SPOCK3: variants seen among roughly 807,000 people sequenced by gnomAD.
SPOCK3 encodes the protein SPARC (osteonectin), cwcv and kazal like domains proteoglycan 3.
In SPOCK3, 30 loss-of-function variants were observed where a neutral mutation model predicts 56.6. The ratio of observed to expected loss-of-function variants is 0.53; its 90% CI spans 0.40 to 0.72. The LOEUF (loss-of-function observed/expected upper bound fraction) is 0.72, where lower values mean the gene tolerates loss of function less well. SPOCK3 is among the 30% of genes least tolerant of loss of function. The pLI is 0.00. For synonymous variants in SPOCK3, 196 were observed against 183.3 expected, an observed-to-expected ratio of 1.07 and a Z score of -0.56; for missense variants, 527 against 530.0, an observed-to-expected ratio of 0.99 and a Z score of 0.06.
intron 4 of SPOCK3, among the ~76,000 whole-genome samples, chr4:166,981,492 G>A (rs557550036): frequency 1.3e-5 from 2 of 152,286 alleles, no homozygotes; most frequent in Admixed American, 1.3e-4. Context: ...TACGTGGGTA[G>A]CTCCTTCTGT....
At chr4:167,174,436 G>T (rs370030095) in intron 2 of SPOCK3, among the ~76,000 whole-genome samples, 1 of 144,574 alleles carries the variant, frequency 6.9e-6, no homozygotes, top group African/African-American at 2.5e-5. Context: ...CTAAAATTTT[G>T]AAAAAAAAAA....
At chr4:166,928,157 A>G (rs921920579) in intron 4 of SPOCK3, among the ~76,000 whole-genome samples, 23 of 152,220 alleles carry the variant, frequency 1.5e-4, no homozygotes, top group African/African-American at 5.1e-4. Flanking sequence ...CAACTTTGGA[A>G]AACAGTTTGG....
At chr4:167,052,733 A>T (rs538229662) in intron 3 of SPOCK3, among the ~76,000 whole-genome samples, 25 of 152,224 alleles carry the variant, frequency 1.6e-4, no homozygotes, top group Admixed American at 3.9e-4. Context: ...CTATTGTTTC[A>T]GAATACTGTC....
chr4:167,018,108 T>C (rs1750819627), intron 3 of SPOCK3, among the ~76,000 whole-genome samples: 1 of 152,150 alleles, frequency 6.6e-6, no homozygotes, highest in African/African-American at 2.4e-5. Context: ...TATGCTGATA[T>C]ATAGTTATAA....
chr4:167,053,465 A>G (rs1375495778), intron 3 of SPOCK3, among the ~76,000 whole-genome samples: 2 of 152,028 alleles, frequency 1.3e-5, no homozygotes, highest in Non-Finnish European at 2.9e-5. Context: ...GGGGCAGATC[A>G]CTTGAGTTCA....
intron 4 of SPOCK3, among the ~76,000 whole-genome samples, chr4:166,973,476 C>T (rs977071794): frequency 6.6e-6 from 1 of 152,108 alleles, no homozygotes; most frequent in Non-Finnish European, 1.5e-5. Context: ...GGGCTCACCT[C>T]TTAGCTAAAT....
chr4:167,139,296 GTTAT>G (rs1470772245), intron 2 of SPOCK3, among the ~76,000 whole-genome samples: 3 of 151,978 alleles, frequency 2.0e-5, no homozygotes, highest in East Asian at 1.9e-4. Context: ...ATCACTGAAT[GTTAT>G]TTACTCAGCT....
At chr4:166,767,570 C>G (rs12506064) in intron 7 of SPOCK3, among the ~76,000 whole-genome samples, 50,245 of 152,024 alleles carry the variant, frequency 0.33, 8,454 homozygotes, top group Admixed American at 0.42. Flanking sequence ...GTTATAATTT[C>G]TGTTCTTTTA....
chr4:167,128,415 A>G (rs1040667591), intron 2 of SPOCK3, among the ~76,000 whole-genome samples: 7 of 152,116 alleles, frequency 4.6e-5, no homozygotes, highest in African/African-American at 1.4e-4. Context: ...TGGGTACACC[A>G]CCATTTATTA....
At chr4:167,166,762 ATGCATGGGAT>A (rs1729990614) in intron 2 of SPOCK3, among the ~76,000 whole-genome samples, 1 of 152,128 alleles carries the variant, frequency 6.6e-6, no homozygotes, top group Admixed American at 6.6e-5. Context: ...TTAAAAATGT[ATGCATGGGAT>A]TTTGAAAATG....
chr4:166,952,072 A>G (rs1490803175), intron 4 of SPOCK3, among the ~76,000 whole-genome samples: 35 of 152,122 alleles, frequency 2.3e-4, no homozygotes, highest in Admixed American at 2.2e-3. Context: ...AGTGTTGGAG[A>G]TTCTGGCCAG....
At chr4:167,000,249 G>A in intron 4 of SPOCK3, 100 bp downstream of exon 4, 1 of 552,200 alleles carries the variant, frequency 1.8e-6, no homozygotes, top group Non-Finnish European at 3.2e-6. Flanking sequence ...ATAAAACTCT[G>A]CATAAAAGAT....
intron 4 of SPOCK3, among the ~76,000 whole-genome samples, chr4:166,935,331 GTTC>G (rs970334683): frequency 1.3e-5 from 2 of 152,134 alleles, no homozygotes; most frequent in African/African-American, 4.8e-5. Context: ...CAAGCTCGAT[GTTC>G]TTCTCAATTG....
chr4:166,939,428 TAAG>T (rs1260066888), intron 4 of SPOCK3, among the ~76,000 whole-genome samples: 3 of 152,136 alleles, frequency 2.0e-5, no homozygotes, highest in South Asian at 2.1e-4. Flanking sequence ...ACAGATATCA[TAAG>T]AACTTTCTTC....
chr4:166,755,868 T>A (rs1736999217), intron 7 of SPOCK3, among the ~76,000 whole-genome samples: 1 of 152,014 alleles, frequency 6.6e-6, no homozygotes, highest in South Asian at 2.1e-4. Flanking sequence ...TGTAGACACT[T>A]AGGATTAAAA....
chr4:166,767,980 A>C (rs879122021), intron 7 of SPOCK3, among the ~76,000 whole-genome samples: 1 of 151,110 alleles, frequency 6.6e-6, no homozygotes, highest in Non-Finnish European at 1.5e-5. Flanking sequence ...TGTTGGTTTA[A>C]AGTCTGTTTT....
intron 2 of SPOCK3, among the ~76,000 whole-genome samples, chr4:167,123,767 T>G (rs1380220122): frequency 1.4e-5 from 2 of 145,354 alleles, no homozygotes; most frequent in East Asian, 2.0e-4. Context: ...TTTTTAAGAC[T>G]GAGTCTTCCT....
At chr4:167,085,502 A>G (rs1758111920) in intron 2 of SPOCK3, among the ~76,000 whole-genome samples, 1 of 152,170 alleles carries the variant, frequency 6.6e-6, no homozygotes, top group African/African-American at 2.4e-5. Context: ...CTCATTTGAA[A>G]TATCTGCTTC....
intron 6 of SPOCK3, among the ~76,000 whole-genome samples, chr4:166,800,551 C>A (rs879871244): frequency 6.6e-6 from 1 of 151,428 alleles, no homozygotes; most frequent in African/African-American, 2.4e-5. Flanking sequence ...TAGGCCTAGG[C>A]GAATGTGTGT....
Sources: gnomAD v4.1 joint callset for allele counts (sites outside exome capture counted in the v4.1 genomes callset) on GRCh38, gnomAD v4.1.1 for gene constraint, MANE v1.5 for transcripts, NCBI Gene and HGNC (gene_info 2026-07-23, HGNC 2026-07-21) for gene names.